RAMP1: variants seen among roughly 807,000 people sequenced by gnomAD.
The protein encoded by RAMP1 is receptor activity modifying protein 1, also known as receptor activity-modifying protein 1.
A neutral mutation model predicts 8.2 loss-of-function variants in RAMP1; 7 were observed. That is an observed-to-expected ratio of 0.85 (90% CI 0.49 to 1.60). RAMP1 has a LOEUF of 1.60. Ranked by LOEUF, RAMP1 falls within the 40% of genes most tolerant of loss-of-function variation. RAMP1 has a pLI of 0.00. For synonymous variants in RAMP1, 92 were observed against 84.7 expected, an observed-to-expected ratio of 1.09 and a Z score of -0.47; for missense variants, 192 against 202.4, an observed-to-expected ratio of 0.95 and a Z score of 0.31.
intron 1 of RAMP1, among the ~76,000 whole-genome samples, chr2:237,872,709 T>G (rs1415552866): frequency 2.0e-5 from 3 of 152,172 alleles, no homozygotes; most frequent in Non-Finnish European, 2.9e-5. Flanking sequence ...GTCCCTGCCA[T>G]GATGGTTATT....
chr2:237,910,014 G>A (rs913756415), intron 2 of RAMP1, among the ~76,000 whole-genome samples: 13 of 152,044 alleles, frequency 8.6e-5, no homozygotes, highest in African/African-American at 1.7e-4. Context: ...GGCTCGGCAC[G>A]GCCACCTCCA....
chr2:237,911,185 G>A (rs902555779), intron 2 of RAMP1, among the ~76,000 whole-genome samples: 1 of 152,266 alleles, frequency 6.6e-6, no homozygotes, highest in African/African-American at 2.4e-5. Flanking sequence ...CCTTGCCCAG[G>A]GTGGCAGAAG....
intron 2 of RAMP1, among the ~76,000 whole-genome samples, chr2:237,893,563 T>C (rs1003300871): frequency 6.6e-6 from 1 of 152,202 alleles, no homozygotes; most frequent in African/African-American, 2.4e-5. Flanking sequence ...CACCTGTACA[T>C]GTTACATCCT....
At chr2:237,897,969 T>A (rs894329544) in intron 2 of RAMP1, among the ~76,000 whole-genome samples, 1 of 152,092 alleles carries the variant, frequency 6.6e-6, no homozygotes, top group Non-Finnish European at 1.5e-5. Context: ...CAGCTAATTT[T>A]TGTATTTTTA....
intron 1 of RAMP1, among the ~76,000 whole-genome samples, chr2:237,873,660 G>T (rs944237325): frequency 6.6e-6 from 1 of 152,230 alleles, no homozygotes; most frequent in Admixed American, 6.5e-5. Context: ...ACCTCTGCAC[G>T]TGGCTTTTGA....
At chr2:237,890,377 T>C (rs894363278) in intron 2 of RAMP1, among the ~76,000 whole-genome samples, 2 of 152,074 alleles carry the variant, frequency 1.3e-5, no homozygotes, top group African/African-American at 4.8e-5. Context: ...AATTTTTGTA[T>C]TTTTGGTAGA....
At chr2:237,882,283 A>C (rs921570441) in intron 2 of RAMP1, among the ~76,000 whole-genome samples, 1 of 152,134 alleles carries the variant, frequency 6.6e-6, no homozygotes, top group African/African-American at 2.4e-5. Flanking sequence ...TATTCTCCAG[A>C]ACTATCAATG....
intron 2 of RAMP1, among the ~76,000 whole-genome samples, chr2:237,901,535 C>G (rs565085607): frequency 6.6e-6 from 1 of 152,342 alleles, no homozygotes; most frequent in African/African-American, 2.4e-5. Context: ...TTAAAAGGAA[C>G]AGCATGTGCA....
intron 2 of RAMP1, among the ~76,000 whole-genome samples, chr2:237,894,177 C>T (rs1038052913): frequency 2.0e-5 from 3 of 151,906 alleles, no homozygotes; most frequent in South Asian, 2.1e-4. Context: ...CGCCATGTTG[C>T]CCAGGCTGGT....
chr2:237,869,632 T>C (rs1224467401), intron 1 of RAMP1, among the ~76,000 whole-genome samples: 1 of 152,254 alleles, frequency 6.6e-6, no homozygotes, highest in Non-Finnish European at 1.5e-5. Flanking sequence ...TCCACTGTTA[T>C]GGATAGACCA....
At chr2:237,901,543 G>A (rs2062596149) in intron 2 of RAMP1, among the ~76,000 whole-genome samples, 1 of 152,234 alleles carries the variant, frequency 6.6e-6, no homozygotes, top group South Asian at 2.1e-4. Flanking sequence ...AACAGCATGT[G>A]CAAAGGTCCT....
rs764946824 is a variant in RAMP1 at position 237,878,841 on chromosome 2, C to T, written c.191+1479C>T. On this transcript the variant is annotated intron_variant, in intron 2 of 2. Coordinates refer to ENST00000254661, the MANE Select transcript of RAMP1 (RefSeq NM_005855.4). The surrounding 1 kb of genome is among the most constrained non-coding windows in gnomAD (Gnocchi z 5.7). ...CAACAGAAACTCCGTACCCTCTGCT[C>T]CAGTTCAGGTGGGAGAGTTGGTGCT... 2.0e-5 allele frequency among the ~76,000 whole-genome samples: 3 copies of T among 152,372 alleles called. No homozygotes were observed. The highest frequency in any genetic ancestry group is 1.9e-4 in the East Asian group (1 of 5,186).
chr2:237,900,804 T>C lies in RAMP1; in HGVS notation c.192-10724T>C, dbSNP rs115103983. ...TAAAACTAATTTTTAGTTTTCAGTA[T>C]TGTAGCCTGAGAATATTGACTTATG... On this transcript the variant is annotated intron_variant, in intron 2 of 2. Coordinates refer to ENST00000254661, the MANE Select transcript of RAMP1 (RefSeq NM_005855.4). 6.6e-3 allele frequency among the ~76,000 whole-genome samples: 1,011 copies of C among 152,338 alleles called. 10 individuals carry two copies. Among genetic ancestry groups the C allele is most frequent in the African/African-American group, 0.022 (931 of 41,576 alleles).
At chr2:237,909,613 C>T (rs750774286) in intron 2 of RAMP1, among the ~76,000 whole-genome samples, 14 of 152,126 alleles carry the variant, frequency 9.2e-5, no homozygotes, top group Non-Finnish European at 2.1e-4. Flanking sequence ...CTGGGCTCTA[C>T]CCACGGCCAG....
At position 237,878,797 on chromosome 2, in the gene RAMP1, T is replaced by G. The variant is rs2062336061; in HGVS notation, c.191+1435T>G. Among the ~76,000 whole-genome samples the G allele has an allele frequency of 6.6e-6, 1 of 152,198 alleles. No homozygotes were observed. Among genetic ancestry groups the G allele is most frequent in the Non-Finnish European group, 1.5e-5 (1 of 68,024 alleles). Reference sequence around the variant, plus strand: ...GGAAAGCATGGGGTATATGCAGGTGTGCATGCTGGGATTTAAAACAACAGA... The same window carrying G: ...GGAAAGCATGGGGTATATGCAGGTGGGCATGCTGGGATTTAAAACAACAGA... On this transcript the variant is annotated intron_variant, in intron 2 of 2. Coordinates refer to ENST00000254661, the MANE Select transcript of RAMP1 (RefSeq NM_005855.4). The surrounding 1 kb of genome is among the most constrained non-coding windows in gnomAD (Gnocchi z 5.7).
intron 2 of RAMP1, among the ~76,000 whole-genome samples, chr2:237,883,645 A>G: frequency 6.6e-6 from 1 of 152,064 alleles, no homozygotes; most frequent in East Asian, 1.9e-4. Flanking sequence ...GTGAGACTCC[A>G]TCTCTACAAA....
At chr2:237,875,855 GCCA>G (rs1223748524) in intron 1 of RAMP1, among the ~76,000 whole-genome samples, 1 of 151,978 alleles carries the variant, frequency 6.6e-6, no homozygotes, top group Non-Finnish European at 1.5e-5. Context: ...CCCCTGCATG[GCCA>G]CCTGCTCGCC....
intron 2 of RAMP1, among the ~76,000 whole-genome samples, chr2:237,879,643 G>A (rs1352437973): frequency 1.5e-5 from 2 of 129,052 alleles, no homozygotes; most frequent in Non-Finnish European, 3.2e-5. Context: ...GTATACATAC[G>A]TAACAAACCT....
At chr2:237,882,525 G>T (rs1333451123) in intron 2 of RAMP1, among the ~76,000 whole-genome samples, 1 of 152,200 alleles carries the variant, frequency 6.6e-6, no homozygotes, top group African/African-American at 2.4e-5. Context: ...GGTTCCCGGC[G>T]GAGGTGGAGG....
Sources: gnomAD v4.1 joint callset for allele counts (sites outside exome capture counted in the v4.1 genomes callset) on GRCh38, gnomAD v4.1.1 for gene constraint, Gnocchi (gnomAD v3.1) non-coding constraint, MANE v1.5 for transcripts, NCBI Gene and HGNC (gene_info 2026-07-23, HGNC 2026-07-21) for gene names.